The following PRDM5 variants were observed in gnomAD, a reference collection of about 807,000 sequenced individuals.
PRDM5 encodes PR domain zinc finger protein 5.
In PRDM5, 56 loss-of-function variants were observed where a neutral mutation model predicts 81.2. That is an observed-to-expected ratio of 0.69 (90% CI 0.56 to 0.86). The LOEUF (loss-of-function observed/expected upper bound fraction) is 0.86, where lower values mean the gene tolerates loss of function less well. PRDM5 is among the 40% of genes least tolerant of loss of function. The probability of loss-of-function intolerance (pLI) is 0.00; values close to 1 mark genes in which losing one functional copy is unlikely to be tolerated. For missense variants in PRDM5, 697 were observed against 770.1 expected (o/e 0.91, Z 1.12); for synonymous variants, 267 against 256.4 (o/e 1.04, Z -0.39).
intron 13 of PRDM5, among the ~76,000 whole-genome samples, chr4:120,774,868 GTCTCTC>G (rs151074819): frequency 5.2e-5 from 7 of 134,744 alleles, no homozygotes; most frequent in African/African-American, 2.0e-4. Flanking sequence ...CTCCTTCTCT[GTCTCTC>G]TCTCTCTCTC....
chr4:120,698,088 C>T (rs1452396577), intron 15 of PRDM5, among the ~76,000 whole-genome samples: 2 of 151,966 alleles, frequency 1.3e-5, no homozygotes, highest in Non-Finnish European at 1.5e-5. Context: ...TTAAAAAGTA[C>T]ATTTTTATAA....
At chr4:120,766,772 A>G (rs1746448750) in intron 13 of PRDM5, among the ~76,000 whole-genome samples, 1 of 152,220 alleles carries the variant, frequency 6.6e-6, no homozygotes, top group Admixed American at 6.5e-5. Context: ...ATTATTTCAA[A>G]TAAGAGGCTT....
At chr4:120,846,848 A>G (rs1314116095) in intron 3 of PRDM5, among the ~76,000 whole-genome samples, 2 of 152,192 alleles carry the variant, frequency 1.3e-5, no homozygotes, top group Admixed American at 1.3e-4. Context: ...TCCAGTGCTC[A>G]GCATTGGGCC....
intron 11 of PRDM5, among the ~76,000 whole-genome samples, chr4:120,784,644 T>A (rs904455669): frequency 6.6e-6 from 1 of 152,004 alleles, no homozygotes; most frequent in Non-Finnish European, 1.5e-5. Context: ...TTTTAAAGAG[T>A]CTGACACGTT....
intron 3 of PRDM5, among the ~76,000 whole-genome samples, chr4:120,822,434 C>A (rs1755401484): frequency 6.6e-6 from 1 of 152,154 alleles, no homozygotes; most frequent in Admixed American, 6.5e-5. Flanking sequence ...GCCTTCTCTT[C>A]TTTGGCAATA....
At chr4:120,727,801 T>C (rs527702838) in intron 14 of PRDM5, among the ~76,000 whole-genome samples, 1 of 151,928 alleles carries the variant, frequency 6.6e-6, no homozygotes, top group South Asian at 2.1e-4. Flanking sequence ...AGCTGGACAG[T>C]GGCTCACGTC....
rs1021500034 is a variant in PRDM5 at position 120,718,684 on chromosome 4, A to T, written c.1624-8271T>A. 2.2e-5 allele frequency among the ~76,000 whole-genome samples: 3 copies of T among 136,980 alleles called. No individual in the cohort carries two copies. The East Asian group carries it at 7.2e-4, about 33-fold the overall frequency. The allele number at this position is 136,980 out of a possible 152,430, so 89.9% of individuals were successfully genotyped here. On this transcript the variant is annotated intron_variant, in intron 14 of 15. Coordinates refer to ENST00000264808, the MANE Select transcript of PRDM5 (RefSeq NM_018699.4). ...CTGAAAGCAAAATAGTGTTTTATTT[A>T]AAAAAATCCATGAGGCACAGATTTG...
intron 2 of PRDM5, among the ~76,000 whole-genome samples, chr4:120,865,937 C>G (rs1761156484): frequency 6.6e-6 from 1 of 151,756 alleles, no homozygotes; most frequent in South Asian, 2.1e-4. Context: ...AAGAAAAACT[C>G]TTAGATTTGG....
chr4:120,911,003 G>A (rs183552438), intron 1 of PRDM5, among the ~76,000 whole-genome samples: 3 of 152,206 alleles, frequency 2.0e-5, no homozygotes, highest in East Asian at 1.9e-4. Context: ...TTTGACTTGT[G>A]ATTTCTTTGC....
chr4:120,804,217 T>C (rs1752562464), intron 8 of PRDM5, among the ~76,000 whole-genome samples: 2 of 152,170 alleles, frequency 1.3e-5, no homozygotes, highest in Non-Finnish European at 2.9e-5. Context: ...CTTAGAGACC[T>C]ACAAAGAGAT....
chr4:120,776,788 C>T (rs112487677), intron 13 of PRDM5, among the ~76,000 whole-genome samples: 24 of 152,220 alleles, frequency 1.6e-4, no homozygotes, highest in African/African-American at 5.3e-4. Flanking sequence ...TAAAATCCTA[C>T]AGCATTCAAG....
intron 15 of PRDM5, among the ~76,000 whole-genome samples, chr4:120,706,821 C>A (rs1425035460): frequency 1.3e-5 from 2 of 148,572 alleles, no homozygotes; most frequent in Non-Finnish European, 3.0e-5. Context: ...AAACTGGTAA[C>A]CATGATTAAA....
rs1443183868 is a variant in PRDM5 at position 120,730,572 on chromosome 4, A to G, written c.1624-20159T>C. Reference sequence around the variant, plus strand: ...ATGAACATAAATTTCTGTTCCAGAAAGAAAATAGTTTGGAAATACTGTATT... The same window carrying G: ...ATGAACATAAATTTCTGTTCCAGAAGGAAAATAGTTTGGAAATACTGTATT... On this transcript the variant is annotated intron_variant, in intron 14 of 15. Transcript: ENST00000264808. 5.9e-5 allele frequency among the ~76,000 whole-genome samples: 9 copies of G among 152,236 alleles called. No homozygotes were observed. The South Asian group carries it at 1.7e-3, about 28-fold the overall frequency.
At chr4:120,787,823 A>T (rs1447724581) in intron 10 of PRDM5, among the ~76,000 whole-genome samples, 1 of 152,218 alleles carries the variant, frequency 6.6e-6, no homozygotes, top group Non-Finnish European at 1.5e-5. Context: ...GATGTCTAGC[A>T]CTACAGGTAC....
intron 3 of PRDM5, among the ~76,000 whole-genome samples, chr4:120,841,192 T>G (rs2149392747): frequency 6.6e-6 from 1 of 152,300 alleles, no homozygotes; most frequent in East Asian, 1.9e-4. Flanking sequence ...TTCTCAAAAT[T>G]ATCAGAGTGA....
chr4:120,879,228 T>A (rs1057324730), intron 2 of PRDM5, among the ~76,000 whole-genome samples: 3 of 152,186 alleles, frequency 2.0e-5, no homozygotes, highest in Admixed American at 1.3e-4. Context: ...AAGTGAGCTA[T>A]CAAGCCTCAA....
intron 2 of PRDM5, chr4:120,896,176 G>A (rs1045278836): frequency 6.6e-6 from 1 of 152,060 alleles, no homozygotes; most frequent in African/African-American, 2.4e-5. Flanking sequence ...AGAATCATTG[G>A]TGAATCAAGT....
chr4:120,762,264 T>C (rs1296600434), intron 13 of PRDM5: 1 of 152,166 alleles, frequency 6.6e-6, no homozygotes, highest in Non-Finnish European at 1.5e-5. Context: ...TTTAAAGATT[T>C]TGGAAGCATA....
rs538276928 is a variant in PRDM5, at chr4:120,757,888, T to TCTC, written c.1538-3251_1538-3250insGAG. On this transcript the variant is annotated intron_variant, in intron 13 of 15. Transcript: ENST00000264808. Reference sequence around the variant, plus strand: ...CTTCTTCTTTCTCTTCTCTTCTCCTTCTTCTTCTTCTTCTGTCTCTCTCCC... The same window carrying TCTC: ...CTTCTTCTTTCTCTTCTCTTCTCCTTCTCCTTCTTCTTCTTCTGTCTCTCTCCC... Among the ~76,000 whole-genome samples, 59 of 151,436 alleles carry TCTC rather than the reference T, an allele frequency of 3.9e-4. No homozygotes were observed. In the Middle Eastern group the frequency reaches 0.01, roughly 27 times the overall value.
Sources: gnomAD v4.1 joint callset for allele counts (sites outside exome capture counted in the v4.1 genomes callset) on GRCh38, gnomAD v4.1.1 for gene constraint, MANE v1.5 for transcripts, NCBI Gene and HGNC (gene_info 2026-07-23, HGNC 2026-07-21) for gene names.